The following GALNTL6 variants were observed in gnomAD, a reference collection of about 807,000 sequenced individuals.
GALNTL6 encodes the protein polypeptide N-acetylgalactosaminyltransferase-like 6.
GALNTL6 carries 46 observed loss-of-function variants against 73.7 expected under a neutral mutation model. That is an observed-to-expected ratio of 0.62 (90% confidence interval 0.49 to 0.80). The LOEUF is 0.80. Ranked by LOEUF, GALNTL6 falls within the 30% of genes least tolerant of loss-of-function variation. The pLI, the probability that GALNTL6 is intolerant of heterozygous loss-of-function variation, is 0.00. For missense variants in GALNTL6, 604 were observed against 755.0 expected, an observed-to-expected ratio of 0.80 and a Z score of 2.34; for synonymous variants, 259 against 263.7, an observed-to-expected ratio of 0.98 and a Z score of 0.17.
intron 3 of GALNTL6, among the ~76,000 whole-genome samples, chr4:172,301,551 G>A (rs1317557832): frequency 6.6e-6 from 1 of 152,070 alleles, no homozygotes; most frequent in Non-Finnish European, 1.5e-5. Flanking sequence ...GTTTTGGTGT[G>A]GATGTCCTTT....
intron 7 of GALNTL6, among the ~76,000 whole-genome samples, chr4:172,836,591 TC>T (rs1742919666): frequency 6.6e-6 from 1 of 152,192 alleles, no homozygotes; most frequent in Admixed American, 6.5e-5. Flanking sequence ...ACATGTAACT[TC>T]TACATAAAAT....
At chr4:171,961,425 T>TA (rs1407600942) in intron 2 of GALNTL6, among the ~76,000 whole-genome samples, 5 of 152,142 alleles carry the variant, frequency 3.3e-5, no homozygotes, top group African/African-American at 1.2e-4. Context: ...ATGGCTGAGT[T>TA]AGACTTTAAA....
At chr4:172,481,664 T>C (rs370367848) in intron 5 of GALNTL6, among the ~76,000 whole-genome samples, 17 of 152,098 alleles carry the variant, frequency 1.1e-4, no homozygotes, top group African/African-American at 3.9e-4. Flanking sequence ...GACATAAAAG[T>C]TCTCCAAGTC....
chr4:172,829,100 G>C (rs980313492), intron 7 of GALNTL6, among the ~76,000 whole-genome samples: 1 of 152,296 alleles, frequency 6.6e-6, no homozygotes, highest in African/African-American at 2.4e-5. Context: ...TCTCCCTTCT[G>C]TATGTGTATG....
chr4:172,796,164 G>C (rs1489675474), intron 5 of GALNTL6, among the ~76,000 whole-genome samples: 6 of 151,524 alleles, frequency 4.0e-5, no homozygotes, highest in African/African-American at 1.2e-4. Flanking sequence ...TATTTTATAA[G>C]CACATAATTC....
At chr4:171,883,215 T>C (rs950107873) in intron 2 of GALNTL6, among the ~76,000 whole-genome samples, 1 of 151,856 alleles carries the variant, frequency 6.6e-6, no homozygotes, top group Non-Finnish European at 1.5e-5. Flanking sequence ...TAGCTGCTCA[T>C]GGTGGCGCAC....
At chr4:172,290,621 G>C (rs1739431294) in intron 3 of GALNTL6, among the ~76,000 whole-genome samples, 1 of 151,872 alleles carries the variant, frequency 6.6e-6, no homozygotes. Context: ...CTATTTTAAA[G>C]TACTAGAGCT....
intron 2 of GALNTL6, among the ~76,000 whole-genome samples, chr4:172,062,932 G>C (rs13136794): frequency 0.36 from 54,993 of 152,074 alleles, 10,367 homozygotes; most frequent in East Asian, 0.51. Flanking sequence ...AATTTAATAA[G>C]TTGAATAAAA....
chr4:172,044,463 G>A (rs1424087305), intron 2 of GALNTL6, among the ~76,000 whole-genome samples: 11 of 151,764 alleles, frequency 7.2e-5, no homozygotes, highest in African/African-American at 2.2e-4. Flanking sequence ...AGCTTACCCC[G>A]AGAATGTCAA....
At chr4:172,266,455 T>C (rs1388396382) in intron 3 of GALNTL6, 2 of 152,150 alleles carry the variant, frequency 1.3e-5, no homozygotes, top group African/African-American at 2.4e-5. Flanking sequence ...ATTCTACTTA[T>C]ATTTCAGCAA....
intron 5 of GALNTL6, among the ~76,000 whole-genome samples, chr4:172,711,550 C>A (rs1319219168): frequency 6.6e-6 from 1 of 152,026 alleles, no homozygotes; most frequent in African/African-American, 2.4e-5. Flanking sequence ...GCCGGGTGAA[C>A]AAGGTAGGGT....
chr4:172,922,529 G>A (rs1182325897), intron 8 of GALNTL6, among the ~76,000 whole-genome samples: 1 of 152,116 alleles, frequency 6.6e-6, no homozygotes, highest in Non-Finnish European at 1.5e-5. Flanking sequence ...AAATAAAGTA[G>A]TGCATAGTGA....
intron 5 of GALNTL6, among the ~76,000 whole-genome samples, chr4:172,767,566 T>C (rs1049746928): frequency 6.6e-6 from 1 of 152,062 alleles, no homozygotes; most frequent in African/African-American, 2.4e-5. Context: ...TTATTTAAGG[T>C]AGTTTAAAAT....
intron 2 of GALNTL6, among the ~76,000 whole-genome samples, chr4:171,993,949 G>C (rs528327483): frequency 1.3e-5 from 2 of 151,968 alleles, no homozygotes; most frequent in South Asian, 2.1e-4. Context: ...GTAAGTGCTG[G>C]GGTTGGAGGA....
chr4:173,025,724 A>G (rs1445273140), intron 12 of GALNTL6, among the ~76,000 whole-genome samples: 1 of 152,142 alleles, frequency 6.6e-6, no homozygotes, highest in Non-Finnish European at 1.5e-5. Context: ...ATCCTTCACA[A>G]CCTGGCCAAC....
rs150630582 is a variant in GALNTL6, at chr4:172,866,448, G to C, written c.924-16342G>C. 1.2e-4 allele frequency among the ~76,000 whole-genome samples: 18 copies of C among 152,258 alleles called. No homozygotes were observed. The East Asian group carries it at 3.3e-3, about 28-fold the overall frequency. ...CTGAGTTTTTTCCATTGTCCAGTGGGGATAAGAACTGTATCTAACTCATAG... is the reference window on the plus strand; with the variant it reads ...CTGAGTTTTTTCCATTGTCCAGTGGCGATAAGAACTGTATCTAACTCATAG... On this transcript the variant is annotated intron_variant, in intron 7 of 12. Coordinates refer to ENST00000506823, the MANE Select transcript of GALNTL6 (RefSeq NM_001034845.3).
intron 5 of GALNTL6, among the ~76,000 whole-genome samples, chr4:172,358,873 A>C (rs1031854829): frequency 2.0e-5 from 3 of 151,336 alleles, no homozygotes; most frequent in Admixed American, 6.6e-5. Context: ...AAAAAAAAAA[A>C]AAAAAAAAAC....
chr4:172,040,320 TTC>T (rs1417485207), intron 2 of GALNTL6, among the ~76,000 whole-genome samples: 2 of 152,136 alleles, frequency 1.3e-5, no homozygotes, highest in Non-Finnish European at 2.9e-5. Context: ...ATTCTAATAT[TTC>T]TGTTTGTTCT....
At chr4:172,255,450 C>G (rs567370896) in intron 3 of GALNTL6, among the ~76,000 whole-genome samples, 1 of 151,588 alleles carries the variant, frequency 6.6e-6, no homozygotes, top group African/African-American at 2.4e-5. Context: ...TATGGGAAAT[C>G]AGTGCCCCTG....
Sources: gnomAD v4.1 joint callset for allele counts (sites outside exome capture counted in the v4.1 genomes callset) on GRCh38, gnomAD v4.1.1 for gene constraint, MANE v1.5 for transcripts, NCBI Gene and HGNC (gene_info 2026-07-23, HGNC 2026-07-21) for gene names.